The following CNBD1 variants were observed in gnomAD, a reference collection of about 807,000 sequenced individuals.
The protein encoded by CNBD1 is cyclic nucleotide-binding domain-containing protein 1.
Under a neutral mutation model 54.4 loss-of-function variants are expected in CNBD1, and 71 were observed. The ratio of observed to expected loss-of-function variants is 1.30; its 90% confidence interval spans 1.08 to 1.59. The LOEUF is 1.59. Among genes scored for constraint, CNBD1 ranks in the 40% most tolerant of loss-of-function variants. CNBD1 has a pLI of 0.00. For synonymous variants in CNBD1, 182 were observed against 170.7 expected (o/e 1.07, Z -0.51); for missense variants, 659 against 518.0 (o/e 1.27, Z -2.64).
At chr8:86,930,359 A>G (rs946777760) in intron 3 of CNBD1, among the ~76,000 whole-genome samples, 1 of 152,188 alleles carries the variant, frequency 6.6e-6, no homozygotes, top group Non-Finnish European at 1.5e-5. Flanking sequence ...GATCTAGAGT[A>G]GCCTGCTGGC....
At chr8:86,939,948 T>A (rs13248426) in intron 4 of CNBD1, 194 bp downstream of exon 4, 1 of 386,066 alleles carries the variant, frequency 2.6e-6, no homozygotes, top group Non-Finnish European at 4.6e-6. Context: ...TCTTCAATGG[T>A]GTATCACGGA....
At chr8:87,371,585 T>C (rs534328447) in intron 10 of CNBD1, among the ~76,000 whole-genome samples, 145 of 151,982 alleles carry the variant, frequency 9.5e-4, no homozygotes, top group Non-Finnish European at 1.8e-3. Flanking sequence ...GCAGAAATCC[T>C]CAATAAAATA....
At chr8:87,152,129 T>C (rs1812617023) in intron 4 of CNBD1, among the ~76,000 whole-genome samples, 1 of 152,060 alleles carries the variant, frequency 6.6e-6, no homozygotes, top group Admixed American at 6.6e-5. Context: ...CATTATAATA[T>C]TTATTTTGAA....
chr8:87,395,499 A>G (rs900648570), intron 2 of CNBD1, among the ~76,000 whole-genome samples: 3 of 151,932 alleles, frequency 2.0e-5, no homozygotes, highest in Non-Finnish European at 4.4e-5. Flanking sequence ...TAAAGGTTTT[A>G]AAAAGTAGTT....
intron 4 of CNBD1, among the ~76,000 whole-genome samples, chr8:87,015,337 C>T (rs1809332049): frequency 1.3e-5 from 2 of 151,782 alleles, no homozygotes; most frequent in African/African-American, 4.9e-5. Context: ...CACCTGCTAC[C>T]ATGCCCAGCT....
chr8:87,365,886 T>A (rs1810632045), intron 10 of CNBD1, among the ~76,000 whole-genome samples: 1 of 152,084 alleles, frequency 6.6e-6, no homozygotes, highest in African/African-American at 2.4e-5. Context: ...CCCACATTCT[T>A]TATTATTTGT....
intron 8 of CNBD1, among the ~76,000 whole-genome samples, chr8:87,328,143 A>T (rs920782142): frequency 2.0e-5 from 3 of 151,788 alleles, no homozygotes; most frequent in Non-Finnish European, 4.4e-5. Flanking sequence ...CCGTGCCCCC[A>T]ATCCCCCAAC....
At chr8:87,063,305 C>A (rs981766449) in intron 4 of CNBD1, among the ~76,000 whole-genome samples, 1 of 152,140 alleles carries the variant, frequency 6.6e-6, no homozygotes, top group African/African-American at 2.4e-5. Flanking sequence ...ATTTCATCAG[C>A]ATTATAAGAA....
Position 87,380,820 on chromosome 8 carries a change from G to A in CNBD1, c.1304-1800G>A, listed in dbSNP as rs1025635731. Among the ~76,000 whole-genome samples, 4 of 152,088 alleles carry A rather than the reference G, an allele frequency of 2.6e-5. No individual in the cohort carries two copies. The South Asian group carries it at 6.2e-4, about 24-fold the overall frequency. ...TACTAATTTAATCTCTACAAAAATA[G>A]CATTGGAAAATTGGATATCCACATT... On this transcript the variant is annotated intron_variant, in intron 10 of 10. Coordinates refer to ENST00000518476, the MANE Select transcript of CNBD1 (RefSeq NM_173538.3).
chr8:87,092,441 G>A lies in CNBD1; in HGVS notation c.432-113552G>A, dbSNP rs182583331. Among the ~76,000 whole-genome samples the A allele has an allele frequency of 4.7e-3, 681 of 144,182 alleles. 11 individuals are homozygous for A. Among genetic ancestry groups the A allele is most frequent in the African/African-American group, 0.016 (621 of 37,846 alleles). 94.6% of individuals were successfully genotyped at this position (144,182 alleles called of 152,430 possible). ...TGTATGTATGTATGTATGTGTGTGT[G>A]TATATATATACACATATGTGTGTGT... On this transcript the variant is annotated intron_variant, in intron 4 of 10. Coordinates refer to ENST00000518476, the MANE Select transcript of CNBD1 (RefSeq NM_173538.3).
At chr8:86,987,570 G>A (rs1808636209) in intron 4 of CNBD1, among the ~76,000 whole-genome samples, 1 of 152,106 alleles carries the variant, frequency 6.6e-6, no homozygotes, top group Non-Finnish European at 1.5e-5. Flanking sequence ...GGGCTTCCTT[G>A]TCTTGTTCCA....
intron 4 of CNBD1, among the ~76,000 whole-genome samples, chr8:87,023,231 C>T (rs1809526534): frequency 6.6e-6 from 1 of 152,094 alleles, no homozygotes; most frequent in Non-Finnish European, 1.5e-5. Flanking sequence ...AAAATACACA[C>T]ACATTGCTGA....
At chr8:87,024,119 A>G (rs1364803157) in intron 4 of CNBD1, among the ~76,000 whole-genome samples, 2 of 150,876 alleles carry the variant, frequency 1.3e-5, no homozygotes, top group East Asian at 4.0e-4. Context: ...GGCACCTGTA[A>G]TCTCAGATAC....
chr8:87,104,414 A>T (rs1449022499), intron 4 of CNBD1, among the ~76,000 whole-genome samples: 1 of 152,248 alleles, frequency 6.6e-6, no homozygotes, highest in African/African-American at 2.4e-5. Flanking sequence ...ACATGCATAG[A>T]TAGTCTACTG....
chr8:87,176,404 C>T (rs1813198079), intron 4 of CNBD1, among the ~76,000 whole-genome samples: 1 of 151,980 alleles, frequency 6.6e-6, no homozygotes, highest in Admixed American at 6.6e-5. Flanking sequence ...AGGAATATGT[C>T]AGTTGTTAAC....
chr8:87,110,438 A>G (rs76112930), intron 4 of CNBD1, among the ~76,000 whole-genome samples: 2,220 of 152,286 alleles, frequency 0.015, 61 homozygotes, highest in African/African-American at 0.05. Context: ...GGTCAGAGCA[A>G]TAATACACGC....
chr8:87,040,100 C>A (rs1810032926), intron 4 of CNBD1, among the ~76,000 whole-genome samples: 1 of 152,196 alleles, frequency 6.6e-6, no homozygotes, highest in South Asian at 2.1e-4. Context: ...TAGCCTCCAA[C>A]TGTATGACTC....
intron 1 of CNBD1, among the ~76,000 whole-genome samples, chr8:86,879,847 G>A (rs1808577542): frequency 1.3e-5 from 2 of 150,378 alleles, no homozygotes; most frequent in South Asian, 4.3e-4. Context: ...ACTCCAGCCT[G>A]GGCGACAGAG....
At chr8:87,281,571 T>TATATATATATATAG (rs2130867121) in intron 6 of CNBD1, among the ~76,000 whole-genome samples, 1 of 49,152 alleles carries the variant, frequency 2.0e-5, no homozygotes, top group East Asian at 4.9e-4. Context: ...TATATATATA[T>TATATATATATATAG]ATATATATAT....
Sources: gnomAD v4.1 joint callset for allele counts (sites outside exome capture counted in the v4.1 genomes callset) on GRCh38, gnomAD v4.1.1 for gene constraint, MANE v1.5 for transcripts, NCBI Gene and HGNC (gene_info 2026-07-23, HGNC 2026-07-21) for gene names.